Variants in CCNT2 observed in about 807,000 individuals in gnomAD.
The protein encoded by CCNT2 is cyclin T2, also known as cyclin-T2.
CCNT2 carries 18 observed loss-of-function variants against 70.0 expected under a neutral mutation model. That is an observed-to-expected ratio of 0.26 (90% CI 0.18 to 0.38). The LOEUF (loss-of-function observed/expected upper bound fraction) is 0.38. Ranked by LOEUF, CCNT2 falls within the 10% of genes least tolerant of loss-of-function variation. CCNT2 has a pLI of 1.00. For missense variants in CCNT2, 734 were observed against 890.2 expected, an observed-to-expected ratio of 0.82 and a Z score of 2.23; for synonymous variants, 334 against 313.3, an observed-to-expected ratio of 1.07 and a Z score of -0.70.
chr2:134,921,650 G>C (rs976771727), intron 2 of CCNT2, among the ~76,000 whole-genome samples: 1 of 152,164 alleles, frequency 6.6e-6, no homozygotes, highest in Non-Finnish European at 1.5e-5. Context: ...CACCGTGCCC[G>C]GCCATCTTCA....
chr2:134,954,503 C>G lies in CCNT2; in HGVS notation c.2048C>G (p.Thr683Ser), dbSNP rs199860380. ...TYQVGYGHLS[T>S]LVKLDKKPVE... Reference sequence around the variant, plus strand: ...CAGGTGGGCTACGGACATCTCAGCACCCTCGTGAAACTGGACAAGAAGCCA... The same window carrying G: ...CAGGTGGGCTACGGACATCTCAGCAGCCTCGTGAAACTGGACAAGAAGCCA... Residue 683 changes from threonine (T) to serine (S), a missense_variant, in exon 9 of 9, where the codon ACC (threonine) becomes AGC (serine). Thr to Ser is a moderately conservative substitution (Grantham distance 58). This residue lies in a region of CCNT2 where 532 missense variants were observed against 556.9 expected (regional missense o/e 0.96). Transcript: ENST00000264157. The G allele has an allele frequency of 2.5e-6, 4 of 1,614,140 alleles. No individual in the cohort carries two copies. The highest frequency in any genetic ancestry group is 3.4e-6 in the Non-Finnish European group (4 of 1,180,022).
In CCNT2 at chr2:134,953,381, T is replaced by G; in HGVS notation, c.926T>G (p.Phe309Cys). Residue 309 changes from phenylalanine (F) to cysteine (C), a missense_variant, in exon 9 of 9, where the codon TTC (phenylalanine) becomes TGC (cysteine). Phe to Cys is a radical substitution (Grantham distance 205). Transcript: ENST00000264157. ...TTTCAGAAACCATCTACATCAGCATTCCCTGCGCCAGTACCTCTAAATTCA... is the reference window on the plus strand; with the variant it reads ...TTTCAGAAACCATCTACATCAGCATGCCCTGCGCCAGTACCTCTAAATTCA... ...PSFQKPSTSA[F>C]PAPVPLNSGN... The G allele has an allele frequency of 1.2e-6, 2 of 1,601,694 alleles. No individual in the cohort carries two copies. The highest frequency in any genetic ancestry group is 1.7e-6 in the Non-Finnish European group (2 of 1,173,446).
chr2:134,933,631 A>G (rs1306635813), intron 2 of CCNT2, among the ~76,000 whole-genome samples: 1 of 152,334 alleles, frequency 6.6e-6, no homozygotes. Flanking sequence ...GTGTTTGGAT[A>G]TGCTTGCTTA....
chr2:134,930,378 C>T (rs543682991), intron 2 of CCNT2, among the ~76,000 whole-genome samples: 1 of 152,228 alleles, frequency 6.6e-6, no homozygotes, highest in East Asian at 1.9e-4. Context: ...TTTATTTATC[C>T]ATTTATCAGC....
At chr2:134,931,183 C>G (rs188850244) in intron 2 of CCNT2, among the ~76,000 whole-genome samples, 1 of 147,302 alleles carries the variant, frequency 6.8e-6, no homozygotes, top group South Asian at 2.2e-4. Context: ...AGGATGGTCT[C>G]GATCTCCTGA....
chr2:134,936,343 G>T (rs1205074322), intron 2 of CCNT2, among the ~76,000 whole-genome samples: 1 of 151,866 alleles, frequency 6.6e-6, no homozygotes. Flanking sequence ...TTATAGATTA[G>T]TTCTATTTAA....
Position 134,953,983 on chromosome 2 carries a change from C to G in CCNT2, c.1528C>G (p.Pro510Ala), listed in dbSNP as rs751838582. The G allele has an allele frequency of 1.2e-6, 2 of 1,614,056 alleles. No homozygotes were observed. The highest frequency in any genetic ancestry group is 3.3e-5 in the Admixed American group (2 of 60,020). ...EKSGSLKLRI[P>A]IPPTDKSASK... ...GAGTGGGTCACTGAAATTACGGATT[C>G]CAATACCACCCACTGATAAAAGCGC... Residue 510 changes from proline (P) to alanine (A), a missense_variant, in exon 9 of 9, where the codon CCA becomes GCA. Around this residue, in one of 3 missense-constraint regions of CCNT2, gnomAD observed 532 missense variants for 556.9 expected, o/e 0.96. Transcript: ENST00000264157.
chr2:134,952,633 A>G lies in CCNT2; in HGVS notation c.704-8A>G, dbSNP rs1370295235. ...CTTCTAAGTTTCAAATTTAAATTTT[A>G]TTTTTAGAGCTAACACATGAGTTTC... On this transcript the variant is annotated splice_polypyrimidine_tract_variant and splice_region_variant and intron_variant, in intron 7 of 8. Coordinates refer to ENST00000264157, the MANE Select transcript of CCNT2 (RefSeq NM_058241.3). The G allele has an allele frequency of 6.4e-7, 1 of 1,557,830 alleles. No individual in the cohort carries two copies. Among genetic ancestry groups the G allele is most frequent in the Non-Finnish European group, 8.7e-7 (1 of 1,148,612 alleles).
rs1682747864 is a variant in CCNT2 at position 134,954,138 on chromosome 2, G to A, written c.1683G>A (p.Lys561=). The A allele has an allele frequency of 6.2e-7, 1 of 1,614,006 alleles. No homozygotes were observed. Among genetic ancestry groups the A allele is most frequent in the African/African-American group, 1.3e-5 (1 of 74,906 alleles). ...GCAGAGACCATAAGGAGAAGCACAA[G>A]GAGCATCCTTCAAGCCGCCACCACA... The part of the protein sequence containing the change: ...HISRDHKEKH[K]EHPSSRHHTS... Residue 561 remains lysine (K), a synonymous_variant, in exon 9 of 9, where the codon AAG becomes AAA. Coordinates refer to ENST00000264157, the MANE Select transcript of CCNT2 (RefSeq NM_058241.3).
chr2:134,954,665 A>T lies in CCNT2; in HGVS notation c.*17A>T. 6.6e-7 allele frequency: 1 copy of T among 1,517,290 alleles called. No homozygotes were observed. The highest frequency in any genetic ancestry group is 1.8e-5 in the Admixed American group (1 of 54,462). The allele number at this position is 1,517,290 out of a possible 1,614,324, so 94.0% of individuals were successfully genotyped here. ...AACATGTAATAATTTGTTTAGGTCAATTTTTCCTTTACTTTTTTAATTTAA... is the reference window on the plus strand; with the variant it reads ...AACATGTAATAATTTGTTTAGGTCATTTTTTCCTTTACTTTTTTAATTTAA... On this transcript the variant is annotated 3_prime_UTR_variant, in exon 9 of 9. Coordinates refer to ENST00000264157, the MANE Select transcript of CCNT2 (RefSeq NM_058241.3).
chr2:134,933,630 T>A (rs1300460088), intron 2 of CCNT2, among the ~76,000 whole-genome samples: 1 of 152,210 alleles, frequency 6.6e-6, no homozygotes, highest in Admixed American at 6.5e-5. Context: ...AGTGTTTGGA[T>A]ATGCTTGCTT....
At chr2:134,948,320 T>G (rs1051503066) in intron 7 of CCNT2, among the ~76,000 whole-genome samples, 4 of 151,016 alleles carry the variant, frequency 2.6e-5, no homozygotes, top group African/African-American at 9.7e-5. Flanking sequence ...CCACCAAATA[T>G]CTAAAGCTTT....
At chr2:134,921,815 A>G (rs1175913843) in intron 2 of CCNT2, among the ~76,000 whole-genome samples, 2 of 152,220 alleles carry the variant, frequency 1.3e-5, no homozygotes, top group East Asian at 3.8e-4. Flanking sequence ...CTTCAATAAA[A>G]AGGCCAAGGT....
At position 134,939,026 on chromosome 2, in the gene CCNT2, C is replaced by T; in HGVS notation, c.394C>T (p.Leu132=). The T allele has an allele frequency of 6.2e-7, 1 of 1,610,364 alleles. No individual in the cohort carries two copies. The highest frequency in any genetic ancestry group is 8.5e-7 in the Non-Finnish European group (1 of 1,177,178). Residue 132 remains leucine, a synonymous_variant, in exon 4 of 9, where the codon CTG becomes TTG. Coordinates refer to ENST00000264157, the MANE Select transcript of CCNT2 (RefSeq NM_058241.3). ...CDAYLQQTQE[L]VILETIMLQT... Reference sequence around the variant, plus strand: ...GGCTTACCTTCAACAGACTCAAGAACTGGTTATACTTGAAACCATAATGCT... The same window carrying T: ...GGCTTACCTTCAACAGACTCAAGAATTGGTTATACTTGAAACCATAATGCT...
Position 134,959,159 on chromosome 2 carries a change from T to C in CCNT2, c.*4511T>C, listed in dbSNP as rs1683076918. On this transcript the variant is annotated 3_prime_UTR_variant, in exon 9 of 9. Coordinates refer to ENST00000264157, the MANE Select transcript of CCNT2 (RefSeq NM_058241.3). ...ATTAGGAAAAATACATACTCATTTGTTGTAAACAGTGATTGTGGGGTTTCA... is the reference window on the plus strand; with the variant it reads ...ATTAGGAAAAATACATACTCATTTGCTGTAAACAGTGATTGTGGGGTTTCA... 1 of 151,950 alleles carries C rather than the reference T, an allele frequency of 6.6e-6. No homozygotes were observed. Among genetic ancestry groups the C allele is most frequent in the African/African-American group, 2.4e-5 (1 of 41,322 alleles). 9.4% of individuals were successfully genotyped at this position (151,950 alleles called of 1,614,324 possible).
chr2:134,920,439 A>G (rs938244164), intron 2 of CCNT2: 2 of 152,310 alleles, frequency 1.3e-5, no homozygotes, highest in Non-Finnish European at 2.9e-5. Context: ...GGGTGATTCA[A>G]ACGTCCACTC....
At chr2:134,924,951 T>C (rs192975594) in intron 2 of CCNT2, among the ~76,000 whole-genome samples, 86 of 152,326 alleles carry the variant, frequency 5.6e-4, no homozygotes, top group Admixed American at 2.0e-3. Context: ...AGTTTCCAAC[T>C]GTCTGAATTT....
chr2:134,942,747 T>C, intron 5 of CCNT2, 73 bp downstream of exon 5: 1 of 1,454,580 alleles, frequency 6.9e-7, no homozygotes, highest in Non-Finnish European at 9.3e-7. Context: ...GGGTGCTATT[T>C]TGTTTTTCTA....
At chr2:134,947,622 CTA>C (rs1371861914) in intron 6 of CCNT2, 112 bp from the exon 7 acceptor site, 1 of 656,652 alleles carries the variant, frequency 1.5e-6, no homozygotes, top group East Asian at 3.0e-5. Flanking sequence ...GTTTTATACT[CTA>C]GACTTAAAGA....
Sources: allele counts gnomAD v4.1 joint callset (sites outside exome capture counted in the v4.1 genomes callset), GRCh38; gene constraint gnomAD v4.1.1; regional missense constraint gnomAD v4.1.1; transcripts MANE v1.5; gene names NCBI Gene and HGNC (gene_info 2026-07-23, HGNC 2026-07-21).